The following NUP160 variants were observed in gnomAD, a reference collection of about 807,000 sequenced individuals.
NUP160 encodes nuclear pore complex protein Nup160.
Under a neutral mutation model 196.9 loss-of-function variants are expected in NUP160, and 94 were observed. The ratio of observed to expected loss-of-function variants is 0.48; its 90% CI spans 0.40 to 0.57. The LOEUF is 0.57. NUP160 is among the 20% of genes least tolerant of loss of function. The pLI is 0.00. For synonymous variants in NUP160, 605 were observed against 619.7 expected, an observed-to-expected ratio of 0.98 and a Z score of 0.35; for missense variants, 1,638 against 1,748.3, an observed-to-expected ratio of 0.94 and a Z score of 1.13.
At position 47,809,058 on chromosome 11, in the gene NUP160, G is replaced by A. The variant is rs143427056; in HGVS notation, c.2242-529C>T. Among the ~76,000 whole-genome samples, 635 of 151,504 alleles carry A rather than the reference G, an allele frequency of 4.2e-3. 1 individual carries two copies. The highest frequency in any genetic ancestry group is 0.015 in the African/African-American group (620 of 41,286). On this transcript the variant is annotated intron_variant, in intron 17 of 35. Coordinates refer to ENST00000378460, the Ensembl canonical transcript of NUP160. ...GGATGTTGCAGTGAGCTGAGATCGC[G>A]CCACTGCACTCCAGCCTGGGTGACA...
At chr11:47,793,025 C>A in intron 27 of NUP160, 79 bp from the exon 28 acceptor site, 2 of 1,314,884 alleles carry the variant, frequency 1.5e-6, no homozygotes, top group East Asian at 2.5e-5. Flanking sequence ...CTTGCTCTGT[C>A]GCCCAGGCTG....
At position 47,787,727 on chromosome 11, in the gene NUP160, CTTT is replaced by C. The variant is rs928580156; in HGVS notation, c.3746+452_3746+454del. 4.2e-5 allele frequency among the ~76,000 whole-genome samples: 6 copies of C among 143,952 alleles called. No individual in the cohort carries two copies. In the South Asian group the frequency reaches 6.8e-4, roughly 16 times the overall value. 94.4% of individuals were successfully genotyped at this position (143,952 alleles called of 152,430 possible). ...TGTGCCTGGCCAAGAAATTCTTCTTCTTTTTTTTGAGACAGAGTCTCGCTCTGT... is the reference window on the plus strand; with the variant it reads ...TGTGCCTGGCCAAGAAATTCTTCTTCTTTTTGAGACAGAGTCTCGCTCTGT... On this transcript the variant is annotated intron_variant, in intron 31 of 35. Coordinates refer to ENST00000378460, the Ensembl canonical transcript of NUP160.
intron 18 of NUP160, among the ~76,000 whole-genome samples, chr11:47,807,655 G>A (rs1180424012): frequency 1.3e-5 from 2 of 150,870 alleles, no homozygotes; most frequent in South Asian, 2.1e-4. Context: ...CAACAAGAGC[G>A]AAACTCCATC....
chr11:47,806,948 T>G (rs1222929375), intron 19 of NUP160, 122 bp downstream of exon 19: 8 of 659,812 alleles, frequency 1.2e-5, no homozygotes, highest in Admixed American at 1.0e-4. Context: ...AGCTTACTCA[T>G]GCCTTCTGAA....
chr11:47,810,982 G>T (rs2097680781), intron 17 of NUP160, among the ~76,000 whole-genome samples: 1 of 152,164 alleles, frequency 6.6e-6, no homozygotes, highest in East Asian at 1.9e-4. Context: ...TTCTTTGACA[G>T]GCTCAAATGA....
intron 2 of NUP160, among the ~76,000 whole-genome samples, chr11:47,845,695 TTTTC>T (rs1268656155): frequency 1.3e-5 from 2 of 152,148 alleles, no homozygotes; most frequent in Admixed American, 6.6e-5. Flanking sequence ...GGCAAGCAAA[TTTTC>T]TTTCTTTCTT....
intron 27 of NUP160, among the ~76,000 whole-genome samples, chr11:47,795,995 T>C (rs1029191476): frequency 6.6e-6 from 1 of 151,476 alleles, no homozygotes; most frequent in Non-Finnish European, 1.5e-5. Flanking sequence ...CTACTAAAAA[T>C]ATAAAAAAAT....
chr11:47,785,545 G>A (rs1422231258), intron 32 of NUP160, among the ~76,000 whole-genome samples: 2 of 152,080 alleles, frequency 1.3e-5, no homozygotes, highest in Non-Finnish European at 2.9e-5. Flanking sequence ...AGATGTCTTG[G>A]GTTCGTATAT....
chr11:47,839,879 T>C lies in NUP160; in HGVS notation c.712A>G (p.Ile238Val), dbSNP rs1852260247. Residue 238 changes from isoleucine to valine, a missense_variant, in exon 4 of 36, where the codon ATC becomes GTC. This residue lies in a region of NUP160 where 1,345 missense variants were observed against 1,470.2 expected (regional missense o/e 0.91). Transcript: ENST00000378460. ...TAAGGAGGTAGCTTAAGAACAAAGA[T>C]TCCCCCAGAAGCACATGGTAAGGCA... is the stretch of plus-strand genomic sequence containing the variant. 5 of 1,614,118 alleles carry C rather than the reference T, an allele frequency of 3.1e-6. No individual in the cohort carries two copies. The African/African-American group carries it at 6.7e-5, about 22-fold the overall frequency.
chr11:47,834,869 G>C (rs1313974671), intron 7 of NUP160, among the ~76,000 whole-genome samples: 1 of 152,160 alleles, frequency 6.6e-6, no homozygotes, highest in African/African-American at 2.4e-5. Flanking sequence ...CAGAAAGCTT[G>C]GTGCAGGATG....
chr11:47,810,464 T>C (rs921248796), intron 17 of NUP160, among the ~76,000 whole-genome samples: 3 of 152,128 alleles, frequency 2.0e-5, no homozygotes, highest in Non-Finnish European at 4.4e-5. Flanking sequence ...GTGCTGGGAC[T>C]ATAGGTATGA....
At chr11:47,843,327 A>G (rs1434358347) in intron 2 of NUP160, among the ~76,000 whole-genome samples, 1 of 152,156 alleles carries the variant, frequency 6.6e-6, no homozygotes, top group Non-Finnish European at 1.5e-5. Flanking sequence ...TCCATGATCC[A>G]AAGGCCAATT....
chr11:47,840,721 T>C (rs1852278937), intron 2 of NUP160, 133 bp from the exon 3 acceptor site: 1 of 604,956 alleles, frequency 1.7e-6, no homozygotes, highest in Admixed American at 3.1e-5. Flanking sequence ...TGGACCACTT[T>C]TGCATGCCAA....
intron 7 of NUP160, among the ~76,000 whole-genome samples, chr11:47,832,980 T>G (rs973278911): frequency 6.6e-6 from 1 of 152,148 alleles, no homozygotes; most frequent in Non-Finnish European, 1.5e-5. Flanking sequence ...TGTGTAGAGC[T>G]GGGAAGAAAT....
At chr11:47,788,411 T>C in intron 30 of NUP160, 90 bp downstream of exon 30, 2 of 1,544,094 alleles carry the variant, frequency 1.3e-6, no homozygotes, top group Non-Finnish European at 1.8e-6. Context: ...CCAGGCTTTA[T>C]ACCCATCTAC....
chr11:47,795,154 T>A (rs2097670183), intron 27 of NUP160, among the ~76,000 whole-genome samples: 1 of 152,154 alleles, frequency 6.6e-6, no homozygotes, highest in African/African-American at 2.4e-5. Context: ...ACATATTCAA[T>A]AAGATTCTGA....
intron 7 of NUP160, among the ~76,000 whole-genome samples, chr11:47,824,051 A>G (rs1374214830): frequency 8.6e-6 from 1 of 116,556 alleles, no homozygotes; most frequent in Non-Finnish European, 1.8e-5. Flanking sequence ...ATATATATAT[A>G]TACACACACA....
chr11:47,786,012 A>G (rs1432904462), intron 32 of NUP160, among the ~76,000 whole-genome samples: 5 of 152,204 alleles, frequency 3.3e-5, no homozygotes, highest in African/African-American at 1.2e-4. Flanking sequence ...ACCAGAGGAG[A>G]TCTGAAGAAG....
At chr11:47,786,662 C>A in intron 31 of NUP160, 108 bp from the exon 32 acceptor site, 1 of 686,570 alleles carries the variant, frequency 1.5e-6, no homozygotes, top group Non-Finnish European at 2.6e-6. Flanking sequence ...TAGTCTTTTG[C>A]TGAATTCACT....
Sources: gnomAD v4.1 joint callset for allele counts (sites outside exome capture counted in the v4.1 genomes callset) on GRCh38, gnomAD v4.1.1 for gene constraint, gnomAD v4.1.1 regional missense constraint, MANE v1.5 for transcripts, NCBI Gene and HGNC (gene_info 2026-07-23, HGNC 2026-07-21) for gene names.